TEX11: variants seen among roughly 807,000 people sequenced by gnomAD.
The protein encoded by TEX11 is testis expressed 11, also known as testis-expressed protein 11.
A neutral mutation model predicts 84.4 loss-of-function variants in TEX11; 7 were observed. The observed-to-expected ratio is 0.08, with a 90% CI of 0.05 to 0.16. TEX11 has a LOEUF of 0.16. Ranked by LOEUF, TEX11 falls within the 10% of genes least tolerant of loss-of-function variation. The pLI is 1.00. For missense variants in TEX11, 551 were observed against 660.5 expected (o/e 0.83, Z 1.82); for synonymous variants, 264 against 222.8 (o/e 1.18, Z -1.64).
At chrX:70,710,448 A>T (rs1302949350) in intron 13 of TEX11, among the ~76,000 whole-genome samples, 1 of 111,551 alleles carries the variant, frequency 9.0e-6, no homozygotes, top group Non-Finnish European at 1.9e-5. Flanking sequence ...TCTAGGACTA[A>T]GATAATTTGT....
At chrX:70,895,542 A>G (rs1169410356) in intron 2 of TEX11, among the ~76,000 whole-genome samples, 1 of 112,185 alleles carries the variant, frequency 8.9e-6, no homozygotes, top group Non-Finnish European at 1.9e-5. Context: ...ATATGGAACC[A>G]AAAAAGAGCC....
At chrX:70,816,404 G>A (rs1013386376) in intron 8 of TEX11, among the ~76,000 whole-genome samples, 2 of 111,527 alleles carry the variant, frequency 1.8e-5, no homozygotes, top group African/African-American at 3.3e-5. Flanking sequence ...TGGTCTCCCC[G>A]ATAAGATTCT....
intron 14 of TEX11, among the ~76,000 whole-genome samples, chrX:70,679,591 C>T (rs1466888300): frequency 1.8e-5 from 2 of 109,025 alleles, no homozygotes; most frequent in Non-Finnish European, 3.8e-5. Context: ...GCCTGGCAAC[C>T]GCCCCGTCTG....
chrX:70,514,623 G>A, the TEX11 span, among the ~76,000 whole-genome samples: 294 of 108,540 alleles, frequency 2.7e-3, 3 homozygotes, highest in African/African-American at 9.2e-3. Context: ...GAAAGAAAGA[G>A]GGGAGTTATA....
intron 28 of TEX11, among the ~76,000 whole-genome samples, chrX:70,551,519 C>T (rs974359162): frequency 9.0e-6 from 1 of 110,917 alleles, no homozygotes; most frequent in African/African-American, 3.3e-5. Context: ...GGTACATGTA[C>T]ACCGCTATGT....
At chrX:70,842,935 C>A (rs2091455752) in intron 7 of TEX11, among the ~76,000 whole-genome samples, 1 of 111,385 alleles carries the variant, frequency 9.0e-6, no homozygotes, top group Admixed American at 9.6e-5. Context: ...ATGTGAAGGA[C>A]CTCTTCAAGG....
chrX:70,752,524 CAAAAAAAA>C (rs753939405), intron 9 of TEX11, among the ~76,000 whole-genome samples: 1 of 28,191 alleles, frequency 3.5e-5, no homozygotes, highest in Non-Finnish European at 6.9e-5. Flanking sequence ...TACTCTGTCT[CAAAAAAAA>C]AAAAAAAAAA....
At chrX:70,787,334 CT>C (rs1042722508) in intron 9 of TEX11, among the ~76,000 whole-genome samples, 2 of 108,776 alleles carry the variant, frequency 1.8e-5, no homozygotes, top group African/African-American at 6.7e-5. Flanking sequence ...CCTCTTGCCA[CT>C]TTTTTTCTTT....
intron 13 of TEX11, among the ~76,000 whole-genome samples, chrX:70,688,318 CA>C (rs2090205540): frequency 1.8e-5 from 2 of 111,412 alleles, no homozygotes; most frequent in Admixed American, 1.9e-4. Flanking sequence ...TAGATCTACT[CA>C]AAAATCTTCC....
chrX:70,612,587 CT>C (rs1569356347), intron 20 of TEX11, among the ~76,000 whole-genome samples: 2 of 102,560 alleles, frequency 2.0e-5, no homozygotes, highest in Non-Finnish European at 4.0e-5. Flanking sequence ...AAAAAAAAAT[CT>C]CTGCCCTTGA....
At chrX:70,598,305 C>G (rs1161918201) in intron 24 of TEX11, among the ~76,000 whole-genome samples, 1 of 112,013 alleles carries the variant, frequency 8.9e-6, no homozygotes, top group African/African-American at 3.2e-5. Context: ...ACATCAAAAC[C>G]ACAATGAGGT....
chrX:70,742,915 A>AT (rs2090743139), intron 10 of TEX11, among the ~76,000 whole-genome samples: 2 of 110,929 alleles, frequency 1.8e-5, no homozygotes, highest in South Asian at 7.7e-4. Flanking sequence ...CATCTTAAAC[A>AT]TTTTTAAGTG....
chrX:70,752,524 CA>C (rs753939405), intron 9 of TEX11, among the ~76,000 whole-genome samples: 263 of 28,162 alleles, frequency 9.3e-3, no homozygotes, highest in African/African-American at 0.022. Context: ...TACTCTGTCT[CA>C]AAAAAAAAAA....
intron 13 of TEX11, among the ~76,000 whole-genome samples, chrX:70,692,736 T>C (rs2090246848): frequency 9.0e-6 from 1 of 110,535 alleles, no homozygotes; most frequent in South Asian, 3.9e-4. Flanking sequence ...GACACTTGGG[T>C]TGCCTTCCAC....
At chrX:70,667,649 C>T (rs755374448) in intron 16 of TEX11, among the ~76,000 whole-genome samples, 19 of 111,907 alleles carry the variant, frequency 1.7e-4, no homozygotes, top group East Asian at 5.6e-4. Context: ...AACAGTAGGC[C>T]GGGCGCGGTG....
chrX:70,645,755 A>G (rs1390063981), intron 17 of TEX11, among the ~76,000 whole-genome samples: 1 of 111,511 alleles, frequency 9.0e-6, no homozygotes, highest in African/African-American at 3.3e-5. Flanking sequence ...ACTATAAAAC[A>G]CTGATGAAAG....
chrX:70,693,537 C>G (rs2090254432), intron 13 of TEX11, among the ~76,000 whole-genome samples: 1 of 111,480 alleles, frequency 9.0e-6, no homozygotes, highest in African/African-American at 3.3e-5. Flanking sequence ...CATGATTTCA[C>G]TTATATGTGG....
chrX:70,770,771 A>C (rs1183344571), intron 9 of TEX11, among the ~76,000 whole-genome samples: 1 of 111,509 alleles, frequency 9.0e-6, no homozygotes, highest in Non-Finnish European at 1.9e-5. Flanking sequence ...AAACCTAAGC[A>C]CTATGAATTT....
chrX:70,859,580 CAAAA>C (rs760041212), intron 5 of TEX11, among the ~76,000 whole-genome samples: 1 of 35,052 alleles, frequency 2.9e-5, no homozygotes, highest in Non-Finnish European at 7.0e-5. Context: ...AGATCCTGTC[CAAAA>C]AAAAAAAAAA....
Sources: allele counts gnomAD v4.1 joint callset (sites outside exome capture counted in the v4.1 genomes callset), GRCh38; gene constraint gnomAD v4.1.1; transcripts MANE v1.5; gene names NCBI Gene and HGNC (gene_info 2026-07-23, HGNC 2026-07-21).